FLAD1: variants seen among roughly 807,000 people sequenced by gnomAD.
The protein encoded by FLAD1 is flavin adenine dinucleotide synthetase 1.
FLAD1 carries 35 observed loss-of-function variants against 55.0 expected under a neutral mutation model. That is an observed-to-expected ratio of 0.64 (90% CI 0.49 to 0.84). FLAD1 has a LOEUF of 0.84. Among genes scored for constraint, FLAD1 ranks in the 40% least tolerant of loss-of-function variants. The pLI is 0.00. For synonymous variants in FLAD1, 267 were observed against 303.0 expected (o/e 0.88, Z 1.23); for missense variants, 665 against 742.6 (o/e 0.90, Z 1.21).
At chr1:154,992,874 T>C in intron 6 of FLAD1, 28 bp from the exon 7 acceptor site, 1 of 1,613,976 alleles carries the variant, frequency 6.2e-7, no homozygotes, top group South Asian at 1.1e-5. Context: ...CCCTACCACA[T>C]GCTTGCCCTC....
chr1:154,986,279 C>T (rs979048043), intron 1 of FLAD1, among the ~76,000 whole-genome samples: 1 of 151,690 alleles, frequency 6.6e-6, no homozygotes, highest in Non-Finnish European at 1.5e-5. Flanking sequence ...TGCAGTGGCG[C>T]GGTCTCGGCT....
chr1:154,986,342 G>C (rs1657603876), intron 1 of FLAD1, among the ~76,000 whole-genome samples: 1 of 151,924 alleles, frequency 6.6e-6, no homozygotes, highest in South Asian at 2.1e-4. Context: ...TCAGCCTCCC[G>C]AGTAGCTGGG....
At chr1:154,988,924 T>G (rs1657743062) in intron 2 of FLAD1, 75 bp downstream of exon 2, 1 of 1,589,126 alleles carries the variant, frequency 6.3e-7, no homozygotes, top group East Asian at 2.3e-5. Flanking sequence ...ATGCAGGGGC[T>G]GTTGGGTGCT....
chr1:154,992,142 C>CAAAAA (rs35484260), intron 5 of FLAD1, among the ~76,000 whole-genome samples: 18 of 68,896 alleles, frequency 2.6e-4, no homozygotes, highest in African/African-American at 9.0e-4. Context: ...GACTCCGTCT[C>CAAAAA]AAAAAAAAAA....
chr1:154,986,361 C>T (rs1308641844), intron 1 of FLAD1, among the ~76,000 whole-genome samples: 1 of 152,130 alleles, frequency 6.6e-6, no homozygotes, highest in Non-Finnish European at 1.5e-5. Flanking sequence ...GGACTACAGG[C>T]GCCCGCCACC....
In FLAD1 at chr1:154,983,663, A is replaced by C; in HGVS notation, c.-32A>C. On this transcript the variant is annotated 5_prime_UTR_variant, in exon 1 of 7. Coordinates refer to ENST00000292180, the MANE Select transcript of FLAD1 (RefSeq NM_025207.5). ...GTTCTCAAGAGAGAAGAAGTTTTTA[A>C]GACTAGAGCTAAGCAAGACATTTAA... The C allele has an allele frequency of 6.4e-7, 1 of 1,569,372 alleles. No individual in the cohort carries two copies. Among genetic ancestry groups the C allele is most frequent in the Non-Finnish European group, 8.6e-7 (1 of 1,156,662 alleles).
intron 5 of FLAD1, among the ~76,000 whole-genome samples, chr1:154,991,925 G>A (rs1657888226): frequency 6.6e-6 from 1 of 151,470 alleles, no homozygotes; most frequent in African/African-American, 2.4e-5. Flanking sequence ...GGCACATCAC[G>A]AGGTCAGGAT....
chr1:154,985,320 TCG>T (rs1657534075), intron 1 of FLAD1, among the ~76,000 whole-genome samples: 1 of 149,938 alleles, frequency 6.7e-6, no homozygotes, highest in Admixed American at 6.7e-5. Flanking sequence ...CCTCCACCTC[TCG>T]CGTTCAAGCA....
At position 154,988,591 on chromosome 1, in the gene FLAD1, G is replaced by A; in HGVS notation, c.859G>A (p.Ala287Thr). 1.9e-6 allele frequency: 3 copies of A among 1,614,238 alleles called. No individual in the cohort carries two copies. Among genetic ancestry groups the A allele is most frequent in the Non-Finnish European group, 2.5e-6 (3 of 1,180,044 alleles). ...GTTCCACTCAAAGGAGCTATATGTG[G>A]CTGCTGATGAAGCCTCCATCGCCCC... is the stretch of plus-strand genomic sequence containing the variant. ...VQFHSKELYV[A>T]ADEASIAPIL... Residue 287 changes from alanine to threonine, a missense_variant, in exon 2 of 7, where the codon GCT becomes ACT. Ala to Thr is a moderately conservative substitution (Grantham distance 58). Transcript: ENST00000292180.
chr1:154,983,948 A>G lies in FLAD1; in HGVS notation c.254A>G (p.Tyr85Cys). 1.3e-6 allele frequency: 2 copies of G among 1,598,460 alleles called. No homozygotes were observed. The highest frequency in any genetic ancestry group is 1.7e-6 in the Non-Finnish European group (2 of 1,171,180). Reference sequence around the variant, plus strand: ...CCCCTATTTGGGGGTCTGGGTGGCTACTGGAGGGCCTTGCAGAGGGGCAGA... The same window carrying G: ...CCCCTATTTGGGGGTCTGGGTGGCTGCTGGAGGGCCTTGCAGAGGGGCAGA... Reference protein sequence around the residue: ...LRPLFGGLGGYWRALQRGREG... With the variant: ...LRPLFGGLGGCWRALQRGREG... The change falls in exon 1 of 7, where the codon TAC (tyrosine) becomes TGC (cysteine). Residue 85 changes from tyrosine (Y) to cysteine (C), a missense_variant. Physicochemically the swap from Tyr to Cys is radical, Grantham distance 194. Coordinates refer to ENST00000292180, the MANE Select transcript of FLAD1 (RefSeq NM_025207.5).
At position 154,988,601 on chromosome 1, in the gene FLAD1, A is replaced by G. The variant is rs1225625077; in HGVS notation, c.869A>G (p.Glu290Gly). 6.2e-7 allele frequency: 1 copy of G among 1,614,092 alleles called. No individual in the cohort carries two copies. The highest frequency in any genetic ancestry group is 8.5e-7 in the Non-Finnish European group (1 of 1,180,050). The change falls in exon 2 of 7, where the codon GAA becomes GGA. Residue 290 changes from glutamate (E) to glycine (G), a missense_variant. Coordinates refer to ENST00000292180, the MANE Select transcript of FLAD1 (RefSeq NM_025207.5). ...HSKELYVAAD[E>G]ASIAPILAEA... ...AAGGAGCTATATGTGGCTGCTGATGAAGCCTCCATCGCCCCCATTCTGGCT... is the reference window on the plus strand; with the variant it reads ...AAGGAGCTATATGTGGCTGCTGATGGAGCCTCCATCGCCCCCATTCTGGCT...
At chr1:154,988,896 G>A in intron 2 of FLAD1, 47 bp downstream of exon 2, 1 of 1,610,786 alleles carries the variant, frequency 6.2e-7, no homozygotes, top group Non-Finnish European at 8.5e-7. Context: ...GCCATTGGTG[G>A]CACCCCAGAT....
chr1:154,984,079 C>T lies in FLAD1; in HGVS notation c.372+13C>T. The T allele has an allele frequency of 1.3e-6, 2 of 1,490,536 alleles. No homozygotes were observed. Among genetic ancestry groups the T allele is most frequent in the South Asian group, 1.4e-5 (1 of 69,378 alleles). 92.3% of individuals were successfully genotyped at this position (1,490,536 alleles called of 1,614,324 possible). The stretch of plus-strand genomic sequence containing the variant: ...TGAGATCCTTAAGGTGTGTCTGGGA[C>T]AGAAAAGGGGGGAGGGCGCTGCGTT... On this transcript the variant is annotated intron_variant, in intron 1 of 6. Coordinates refer to ENST00000292180, the MANE Select transcript of FLAD1 (RefSeq NM_025207.5).
chr1:154,990,316 C>A (rs747373999), intron 4 of FLAD1, 23 bp from the exon 5 acceptor site: 2 of 1,613,374 alleles, frequency 1.2e-6, no homozygotes, highest in Non-Finnish European at 1.7e-6. Context: ...CACGCCCGAC[C>A]CCTACTTCTG....
chr1:154,985,789 G>A (rs1193392719), intron 1 of FLAD1, among the ~76,000 whole-genome samples: 1 of 140,514 alleles, frequency 7.1e-6, no homozygotes, highest in Non-Finnish European at 1.5e-5. Context: ...GCAATGGCTC[G>A]ATCTTGGCTC....
chr1:154,992,570 G>T, intron 5 of FLAD1, 143 bp from the exon 6 acceptor site: 1 of 1,613,872 alleles, frequency 6.2e-7, no homozygotes, highest in Non-Finnish European at 8.5e-7. Context: ...CATAGAGCAA[G>T]CTATACCAGA....
chr1:154,983,380 A>G lies in FLAD1; in HGVS notation c.-315A>G, dbSNP rs570016631. ...AAAGGAACAAGGGAAAGAGCCGGTG[A>G]AGGGGCAGAACAGGCAGGTGAGAGT... On this transcript the variant is annotated 5_prime_UTR_variant, in exon 1 of 7. Coordinates refer to ENST00000292180, the MANE Select transcript of FLAD1 (RefSeq NM_025207.5). 4.1e-6 allele frequency: 1 copy of G among 243,880 alleles called. No individual in the cohort carries two copies. The highest frequency in any genetic ancestry group is 1.2e-4 in the South Asian group (1 of 8,286). The allele number at this position is 243,880 out of a possible 1,614,324, so 15.1% of individuals were successfully genotyped here.
At chr1:154,990,089 AGT>A in intron 3 of FLAD1, 68 bp from the exon 4 acceptor site, 1 of 1,247,068 alleles carries the variant, frequency 8.0e-7, no homozygotes, top group South Asian at 1.2e-5. Context: ...CAACGAGAAC[AGT>A]GAGCTGTTTC....
rs2102244210 is a variant in FLAD1, at chr1:154,988,098, C to T, written c.373-7C>T. 3 of 1,614,200 alleles carry T rather than the reference C, an allele frequency of 1.9e-6. No homozygotes were observed. Among genetic ancestry groups the T allele is most frequent in the Non-Finnish European group, 2.5e-6 (3 of 1,180,036 alleles). ...CTGATGGCCTCATCTTCCCCTTCAA[C>T]CCCCAGGGACACACTCAGGACACCA... On this transcript the variant is annotated splice_polypyrimidine_tract_variant and splice_region_variant and intron_variant, in intron 1 of 6. Coordinates refer to ENST00000292180, the MANE Select transcript of FLAD1 (RefSeq NM_025207.5).
Sources: gnomAD v4.1 joint callset for allele counts (sites outside exome capture counted in the v4.1 genomes callset) on GRCh38, gnomAD v4.1.1 for gene constraint, MANE v1.5 for transcripts, NCBI Gene and HGNC (gene_info 2026-07-23, HGNC 2026-07-21) for gene names.